PGRMC2: variants seen among roughly 807,000 people sequenced by gnomAD.
PGRMC2 encodes the protein progesterone receptor membrane component 2.
In PGRMC2, 9 loss-of-function variants were observed where a neutral mutation model predicts 19.3. That is an observed-to-expected ratio of 0.47 (90% CI 0.28 to 0.81). The LOEUF is 0.81. Ranked by LOEUF, PGRMC2 falls within the 40% of genes least tolerant of loss-of-function variation. PGRMC2 has a pLI of 0.11. For missense variants in PGRMC2, 289 were observed against 297.3 expected, an observed-to-expected ratio of 0.97 and a Z score of 0.21; for synonymous variants, 157 against 124.6, an observed-to-expected ratio of 1.26 and a Z score of -1.73.
At chr4:128,273,098 T>C (rs893861454) in intron 1 of PGRMC2, 44 of 152,062 alleles carry the variant, frequency 2.9e-4, no homozygotes, top group African/African-American at 1.0e-3. Context: ...TGCTGAGTGG[T>C]TTAATAAAAA....
At chr4:128,272,265 C>T (rs1487019063) in intron 2 of PGRMC2, 97 bp downstream of exon 2, 7 of 696,542 alleles carry the variant, frequency 1.0e-5, no homozygotes, top group African/African-American at 1.9e-5. Context: ...GCAATGAAAA[C>T]GGATGACATC....
chr4:128,275,885 C>G (rs565249577), intron 1 of PGRMC2, among the ~76,000 whole-genome samples: 2 of 152,242 alleles, frequency 1.3e-5, no homozygotes, highest in African/African-American at 4.8e-5. Context: ...CCCACCAGGC[C>G]TGCATAATTT....
chr4:128,278,497 G>A (rs539483514), intron 1 of PGRMC2, among the ~76,000 whole-genome samples: 2 of 151,836 alleles, frequency 1.3e-5, no homozygotes, highest in East Asian at 2.0e-4. Context: ...GCTTGAACCC[G>A]GGATACGCAG....
Position 128,270,543 on chromosome 4 carries a change from C to G in PGRMC2, c.*773G>C, listed in dbSNP as rs1760711770. The G allele has an allele frequency of 6.6e-6, 1 of 152,342 alleles. No homozygotes were observed. 9.4% of individuals were successfully genotyped at this position (152,342 alleles called of 1,614,324 possible). ...TGCTGCTTGTAGTGATTTCTGAATT[C>G]ATTATAGGGGCTTTCCCTAAAAATA... On this transcript the variant is annotated 3_prime_UTR_variant, in exon 3 of 3. Coordinates refer to ENST00000296425, the MANE Select transcript of PGRMC2 (RefSeq NM_006320.6).
chr4:128,286,737 C>T (rs1760988571), intron 1 of PGRMC2: 1 of 398,476 alleles, frequency 2.5e-6, no homozygotes, highest in South Asian at 1.3e-4. Context: ...TGGAAAGCAA[C>T]TCCGAACTAA....
rs761152918 is a variant in PGRMC2, at chr4:128,287,467, C to T, written c.324G>A (p.Leu108=). ...GGTTGCGGGAGCCGTCGTACTGGCG[C>T]AGCTGCTCCAAGCTGAAGTCCCGCT... ...MKKRDFSLEQ[L]RQYDGSRNPR... is the part of the protein sequence containing the mutation. The change falls in exon 1 of 3, where the codon CTG becomes CTA. Residue 108 remains leucine (L), a synonymous_variant. Coordinates refer to ENST00000296425, the MANE Select transcript of PGRMC2 (RefSeq NM_006320.6). 22 of 1,613,658 alleles carry T rather than the reference C, an allele frequency of 1.4e-5. 2 individuals carry two copies. In the South Asian group the frequency reaches 2.2e-4, roughly 16 times the overall value.
chr4:128,287,713 C>G lies in PGRMC2; in HGVS notation c.78G>C (p.Glu26Asp). ...GSESSNDGGS[E>D]SPGDAGAAAE... ...CTGCCGCTCCCGCGTCGCCTGGACT[C>G]TCGCTGCCGCCGTCGTTGCTGCTCT... Residue 26 changes from glutamate (E) to aspartate (D), a missense_variant, in exon 1 of 3, where the codon GAG (glutamate) becomes GAC (aspartate). Glu to Asp is a conservative substitution (Grantham distance 45). Transcript: ENST00000296425. 1 of 1,506,772 alleles carries G rather than the reference C, an allele frequency of 6.6e-7. No homozygotes were observed. Among genetic ancestry groups the G allele is most frequent in the South Asian group, 1.2e-5 (1 of 83,960 alleles). The allele number at this position is 1,506,772 out of a possible 1,614,324, so 93.3% of individuals were successfully genotyped here. A position where few individuals can be genotyped will look rare whatever the true frequency, so the allele number is the denominator to read the frequency against.
intron 1 of PGRMC2, among the ~76,000 whole-genome samples, chr4:128,284,256 A>T (rs960228934): frequency 1.3e-5 from 2 of 152,210 alleles, no homozygotes; most frequent in African/African-American, 4.8e-5. Context: ...GTGTGGTAAT[A>T]TCCATCTGGA....
chr4:128,271,268 G>A lies in PGRMC2; in HGVS notation c.*48C>T, dbSNP rs759326204. The A allele has an allele frequency of 4.2e-6, 4 of 950,570 alleles. No individual in the cohort carries two copies. The highest frequency in any genetic ancestry group is 6.7e-6 in the Non-Finnish European group (4 of 593,302). The allele number at this position is 950,570 out of a possible 1,614,324, so 58.9% of individuals were successfully genotyped here. A position where few individuals can be genotyped will look rare whatever the true frequency, so the allele number is the denominator to read the frequency against. ...GACTCCGGACAGTCTGTGAAAGGGA[G>A]TAAGAATTGCAGTTCTGAAGGCCCC... On this transcript the variant is annotated 3_prime_UTR_variant, in exon 3 of 3. Transcript: ENST00000296425.
At chr4:128,283,269 A>C (rs1480951899) in intron 1 of PGRMC2, among the ~76,000 whole-genome samples, 1 of 152,250 alleles carries the variant, frequency 6.6e-6, no homozygotes, top group Non-Finnish European at 1.5e-5. Context: ...ATCTGGATTT[A>C]ATTTTTAGTG....
intron 1 of PGRMC2, among the ~76,000 whole-genome samples, chr4:128,282,656 AAAC>A (rs1760926387): frequency 6.6e-6 from 1 of 152,262 alleles, no homozygotes; most frequent in Admixed American, 6.5e-5. Context: ...GCATTAGCCC[AAAC>A]AACAAAGCCA....
At chr4:128,284,068 C>G (rs1310208940) in intron 1 of PGRMC2, among the ~76,000 whole-genome samples, 1 of 151,986 alleles carries the variant, frequency 6.6e-6, no homozygotes, top group African/African-American at 2.4e-5. Context: ...GCCTCAGCCT[C>G]CCAAAGTGCT....
At chr4:128,273,978 CTTA>C (rs1760769368) in intron 1 of PGRMC2, among the ~76,000 whole-genome samples, 1 of 152,160 alleles carries the variant, frequency 6.6e-6, no homozygotes, top group Non-Finnish European at 1.5e-5. Context: ...TTCTGCTTTT[CTTA>C]TTCTTATTGC....
intron 1 of PGRMC2, among the ~76,000 whole-genome samples, chr4:128,282,332 A>G (rs1258852067): frequency 2.0e-5 from 3 of 152,218 alleles, no homozygotes; most frequent in Non-Finnish European, 2.9e-5. Context: ...CAGGGAAAGG[A>G]GTGGTCTATG....
At chr4:128,284,851 C>G (rs1346472415) in intron 1 of PGRMC2, among the ~76,000 whole-genome samples, 1 of 152,182 alleles carries the variant, frequency 6.6e-6, no homozygotes, top group East Asian at 1.9e-4. Flanking sequence ...TTGAAAAGTA[C>G]TACTTATTAC....
intron 1 of PGRMC2, among the ~76,000 whole-genome samples, chr4:128,276,931 C>T (rs951705889): frequency 1.4e-4 from 22 of 152,066 alleles, no homozygotes; most frequent in Non-Finnish European, 2.9e-4. Context: ...AAGAGGCAGG[C>T]GGATCACGAG....
intron 1 of PGRMC2, among the ~76,000 whole-genome samples, chr4:128,275,690 T>C (rs77387387): frequency 0.033 from 5,031 of 152,286 alleles, 264 homozygotes; most frequent in African/African-American, 0.11. Flanking sequence ...TTAGTAATAA[T>C]TTTCTATGCT....
rs1760705463 is a variant in PGRMC2 at position 128,270,241 on chromosome 4, T to C, written c.*1075A>G. ...CTCACACATTCAGACACATCCATAC[T>C]GACACCCACTCCACAGCCCCATGCA... On this transcript the variant is annotated 3_prime_UTR_variant, in exon 3 of 3. Transcript: ENST00000296425. The C allele has an allele frequency of 6.5e-6, 1 of 152,702 alleles. No individual in the cohort carries two copies. The highest frequency in any genetic ancestry group is 2.4e-5 in the African/African-American group (1 of 41,448). The allele number at this position is 152,702 out of a possible 1,614,324, so 9.5% of individuals were successfully genotyped here. A position where few individuals can be genotyped will look rare whatever the true frequency, so the allele number is the denominator to read the frequency against.
rs1214804306 is a variant in PGRMC2 at position 128,270,665 on chromosome 4, ATCTT to A, written c.*647_*650del. On this transcript the variant is annotated 3_prime_UTR_variant, in exon 3 of 3. Coordinates refer to ENST00000296425, the MANE Select transcript of PGRMC2 (RefSeq NM_006320.6). ...AAGGGATAAAAACTGGTTTCAAATG[ATCTT>A]TCTGTTGGGGAACTAGCTCTGACTT... The A allele has an allele frequency of 2.6e-5, 4 of 152,572 alleles. No individual in the cohort carries two copies. Among genetic ancestry groups the A allele is most frequent in the African/African-American group, 7.2e-5 (3 of 41,450 alleles). The allele number at this position is 152,572 out of a possible 1,614,324, so 9.5% of individuals were successfully genotyped here.
Sources: gnomAD v4.1 joint callset for allele counts (sites outside exome capture counted in the v4.1 genomes callset) on GRCh38, gnomAD v4.1.1 for gene constraint, MANE v1.5 for transcripts, NCBI Gene and HGNC (gene_info 2026-07-23, HGNC 2026-07-21) for gene names.